ANO1: variants seen among roughly 807,000 people sequenced by gnomAD.
The protein encoded by ANO1 is anoctamin 1.
In ANO1, 59 loss-of-function variants were observed where a neutral mutation model predicts 124.0. That is an observed-to-expected ratio of 0.48 (90% CI 0.39 to 0.59). ANO1 has a LOEUF of 0.59. Ranked by LOEUF, ANO1 falls within the 20% of genes least tolerant of loss-of-function variation. The pLI is 0.00. For synonymous variants in ANO1, 529 were observed against 532.0 expected (o/e 0.99, Z 0.08); for missense variants, 1,059 against 1,328.0 (o/e 0.80, Z 3.15).
intron 1 of ANO1, among the ~76,000 whole-genome samples, chr11:70,065,553 A>C (rs1487552012): frequency 6.7e-6 from 1 of 148,902 alleles, no homozygotes; most frequent in Non-Finnish European, 1.5e-5. Flanking sequence ...GGCCTTCCCA[A>C]CTTCCTCTCT....
intron 11 of ANO1, among the ~76,000 whole-genome samples, chr11:70,147,876 A>G (rs760016762): frequency 9.9e-5 from 15 of 152,166 alleles, no homozygotes; most frequent in Non-Finnish European, 2.1e-4. Context: ...TGGTCCCACC[A>G]TCCCCCGTGT....
At chr11:70,102,462 A>G (rs1338962236) in intron 2 of ANO1, among the ~76,000 whole-genome samples, 2 of 152,162 alleles carry the variant, frequency 1.3e-5, no homozygotes, top group African/African-American at 4.8e-5. Flanking sequence ...AGGGCACTGG[A>G]CTTGAACTCG....
At chr11:70,172,455 G>T (rs1408995634) in intron 22 of ANO1, among the ~76,000 whole-genome samples, 1 of 152,136 alleles carries the variant, frequency 6.6e-6, no homozygotes, top group Non-Finnish European at 1.5e-5. Flanking sequence ...CTAATTATTG[G>T]AATAAACAAA....
chr11:70,125,375 G>T (rs966811601), intron 9 of ANO1, among the ~76,000 whole-genome samples: 1 of 148,122 alleles, frequency 6.8e-6, no homozygotes, highest in African/African-American at 2.5e-5. Context: ...AATGCAATGG[G>T]CGTGGTGGCA....
chr11:69,990,363 G>T (rs1856130305), intron 1 of ANO1, among the ~76,000 whole-genome samples: 1 of 152,194 alleles, frequency 6.6e-6, no homozygotes, highest in African/African-American at 2.4e-5. Context: ...TCCATTGAAT[G>T]GATATACCAC....
chr11:70,187,649 A>T, intron 25 of ANO1, 89 bp from the exon 26 acceptor site: 2 of 1,469,120 alleles, frequency 1.4e-6, no homozygotes, highest in South Asian at 2.7e-5. Flanking sequence ...GTGGGGTGGC[A>T]CTCCACCAGA....
chr11:70,052,531 CTTTTTTTTTTTTTTTTTTT>C (rs200770702), intron 1 of ANO1, among the ~76,000 whole-genome samples: 33 of 65,920 alleles, frequency 5.0e-4, no homozygotes, highest in Admixed American at 9.5e-4. Flanking sequence ...TTTTTCTTTT[CTTTTTTTTTTTTTTTTTTT>C]TTTTTTTTTT....
intron 1 of ANO1, among the ~76,000 whole-genome samples, chr11:69,991,951 C>A (rs758001547): frequency 6.6e-6 from 1 of 152,246 alleles, no homozygotes; most frequent in Non-Finnish European, 1.5e-5. Flanking sequence ...TGATGCCATG[C>A]GAGCTCAGCT....
chr11:70,172,260 T>A (rs1345397526), intron 22 of ANO1, among the ~76,000 whole-genome samples: 1 of 152,062 alleles, frequency 6.6e-6, no homozygotes, highest in Non-Finnish European at 1.5e-5. Context: ...AGGGTGACGA[T>A]CTGTCCAGGA....
chr11:70,165,715 G>A (rs972284366), intron 20 of ANO1, 145 bp downstream of exon 20: 9 of 704,016 alleles, frequency 1.3e-5, no homozygotes, highest in African/African-American at 1.8e-5. Flanking sequence ...GACACAGAGG[G>A]AAGGTGGGGC....
At chr11:70,161,765 G>T (rs374887358) in intron 18 of ANO1, 32 bp downstream of exon 18, 1 of 1,601,128 alleles carries the variant, frequency 6.2e-7, no homozygotes, top group Non-Finnish European at 8.6e-7. Flanking sequence ...CCCCAACCTC[G>T]CTTCTCCCAG....
the ANO1 span, among the ~76,000 whole-genome samples, chr11:69,971,526 A>G: frequency 0.014 from 2,089 of 152,252 alleles, 28 homozygotes; most frequent in Non-Finnish European, 0.019. Flanking sequence ...AGTTTCTAAG[A>G]AAAAAACTTT....
chr11:70,067,382 C>CA (rs1234912347), intron 1 of ANO1, among the ~76,000 whole-genome samples: 2 of 144,268 alleles, frequency 1.4e-5, no homozygotes, highest in Non-Finnish European at 3.0e-5. Flanking sequence ...GGCTGGAGTG[C>CA]AGTGGCGCAA....
chr11:70,153,417 A>C (rs554844237), intron 14 of ANO1, among the ~76,000 whole-genome samples: 1 of 152,378 alleles, frequency 6.6e-6, no homozygotes. Context: ...ATCTCTTGTC[A>C]TGATGTATCC....
intron 1 of ANO1, among the ~76,000 whole-genome samples, chr11:70,063,005 C>T (rs1443261497): frequency 6.6e-6 from 1 of 152,192 alleles, no homozygotes; most frequent in African/African-American, 2.4e-5. Context: ...TCTCGGCTCA[C>T]TGCAACCTCT....
rs745919112 is a variant in ANO1 at position 70,149,828 on chromosome 11, C to T, written c.1341+36C>T. 33 of 1,597,858 alleles carry T rather than the reference C, an allele frequency of 2.1e-5. No homozygotes were observed. The East Asian group carries it at 7.0e-4, about 34-fold the overall frequency. ...TTGCCGCCGTGCATATCACGCCCTTCCCCCACGTTCCCCCTACCCCAGGAC... is the reference window on the plus strand; with the variant it reads ...TTGCCGCCGTGCATATCACGCCCTTTCCCCACGTTCCCCCTACCCCAGGAC... On this transcript the variant is annotated intron_variant, in intron 12 of 25. Coordinates refer to ENST00000355303, the MANE Select transcript of ANO1 (RefSeq NM_018043.7).
At chr11:70,138,723 G>A (rs184857378) in intron 11 of ANO1, among the ~76,000 whole-genome samples, 177 of 152,216 alleles carry the variant, frequency 1.2e-3, no homozygotes, top group African/African-American at 4.0e-3. Flanking sequence ...CAGAATTCTG[G>A]TTTCTGAGCC....
intron 2 of ANO1, among the ~76,000 whole-genome samples, chr11:70,095,303 A>G (rs3889875): frequency 0.3 from 10,005 of 33,864 alleles, 1,473 homozygotes; most frequent in South Asian, 0.36. Flanking sequence ...AAGGAAGGAA[A>G]GAAAGAAAGA....
intron 1 of ANO1, among the ~76,000 whole-genome samples, chr11:70,050,146 A>G (rs4980753): frequency 0.63 from 95,236 of 152,076 alleles, 30,416 homozygotes; most frequent in East Asian, 0.91. Context: ...TTTCCTCCTG[A>G]CATGGTCCCT....
Sources: allele counts gnomAD v4.1 joint callset (sites outside exome capture counted in the v4.1 genomes callset), GRCh38; gene constraint gnomAD v4.1.1; transcripts MANE v1.5; gene names NCBI Gene and HGNC (gene_info 2026-07-23, HGNC 2026-07-21).